Variants in CARS1 observed in about 807,000 individuals in gnomAD.
CARS1 encodes cysteinyl-tRNA synthetase 1.
CARS1 carries 48 observed loss-of-function variants against 106.2 expected under a neutral mutation model. The ratio of observed to expected loss-of-function variants is 0.45; its 90% confidence interval spans 0.36 to 0.57. The LOEUF is 0.57. Ranked by LOEUF, CARS1 falls within the 20% of genes least tolerant of loss-of-function variation. The probability of loss-of-function intolerance (pLI) is 0.00; values close to 1 mark genes in which losing one functional copy is unlikely to be tolerated. For missense variants in CARS1, 968 were observed against 1,057.2 expected (o/e 0.92, Z 1.17); for synonymous variants, 409 against 403.4 (o/e 1.01, Z -0.17).
chr11:3,050,826 G>A lies in CARS1; in HGVS notation c.26-2825C>T, dbSNP rs571600202. Among the ~76,000 whole-genome samples, 3 of 152,272 alleles carry A rather than the reference G, an allele frequency of 2.0e-5. No homozygotes were observed. The highest frequency in any genetic ancestry group is 4.1e-4 in the South Asian group (2 of 4,828). ...AGGACTCCCTGTCCATATGGCGCCC[G>A]CCTCTAGACCCTGAGCCTGGCTGCT... On this transcript the variant is annotated intron_variant, in intron 1 of 22. Coordinates refer to ENST00000380525, the MANE Select transcript of CARS1 (RefSeq NM_001014437.3). The surrounding 1 kb of genome is among the most constrained non-coding windows in gnomAD (Gnocchi z 6.3).
rs865828919 is a variant in CARS1 at position 3,050,896 on chromosome 11, T to C, written c.26-2895A>G. On this transcript the variant is annotated intron_variant, in intron 1 of 22. Coordinates refer to ENST00000380525, the MANE Select transcript of CARS1 (RefSeq NM_001014437.3). This position sits in a 1 kb window ranked among gnomAD's most constrained non-coding sequence, Gnocchi z 6.3. ...CTGTCTAACACGTGCCCGCATTTCTTTCCTTCACCATCTGCCCCACCGCTC... is the reference window on the plus strand; with the variant it reads ...CTGTCTAACACGTGCCCGCATTTCTCTCCTTCACCATCTGCCCCACCGCTC... Among the ~76,000 whole-genome samples the C allele has an allele frequency of 2.0e-5, 3 of 152,294 alleles. No individual in the cohort carries two copies. Among genetic ancestry groups the C allele is most frequent in the Middle Eastern group, 6.8e-3 (2 of 294 alleles).
In CARS1 at chr11:3,039,735, C is replaced by T; in HGVS notation, c.552+100G>A. Reference sequence around the variant, plus strand: ...AAATGATGTTTATCAGGTGAAAACACAAGCTAGCTCAAGCCTACATTATTT... The same window carrying T: ...AAATGATGTTTATCAGGTGAAAACATAAGCTAGCTCAAGCCTACATTATTT... On this transcript the variant is annotated intron_variant, in intron 5 of 22. Coordinates refer to ENST00000380525, the MANE Select transcript of CARS1 (RefSeq NM_001014437.3). The surrounding 1 kb of genome is among the most constrained non-coding windows in gnomAD (Gnocchi z 5.6). 1 of 607,868 alleles carries T rather than the reference C, an allele frequency of 1.6e-6. No individual in the cohort carries two copies. Among genetic ancestry groups the T allele is most frequent in the South Asian group, 2.2e-5 (1 of 45,924 alleles). 37.7% of individuals were successfully genotyped at this position (607,868 alleles called of 1,614,324 possible). A position where few individuals can be genotyped will look rare whatever the true frequency, so the allele number is the denominator to read the frequency against.
rs950092534 is a variant in CARS1 at position 3,022,836 on chromosome 11, G to C, written c.1154-2504C>G. On this transcript the variant is annotated intron_variant, in intron 10 of 22. Coordinates refer to ENST00000380525, the MANE Select transcript of CARS1 (RefSeq NM_001014437.3). The surrounding 1 kb of genome is among the most constrained non-coding windows in gnomAD (Gnocchi z 4.9). Reference sequence around the variant, plus strand: ...ATCATCTAGGACCACTTGGGCCCCAGCATCACCCCTCCCCTTTTCCTCTAC... The same window carrying C: ...ATCATCTAGGACCACTTGGGCCCCACCATCACCCCTCCCCTTTTCCTCTAC... Among the ~76,000 whole-genome samples the C allele has an allele frequency of 6.6e-6, 1 of 152,064 alleles. No individual in the cohort carries two copies. The highest frequency in any genetic ancestry group is 1.5e-5 in the Non-Finnish European group (1 of 67,994).
Position 3,020,068 on chromosome 11 carries a change from C to A in CARS1, c.1266+152G>T. On this transcript the variant is annotated intron_variant, in intron 11 of 22. Coordinates refer to ENST00000380525, the MANE Select transcript of CARS1 (RefSeq NM_001014437.3). This position sits in a 1 kb window ranked among gnomAD's most constrained non-coding sequence, Gnocchi z 4.6. ...GGAGTCTCCATGATGTCCAGGTCCC[C>A]GGGGCCAGGCAGCCTGTGCTGCACC... 1.6e-6 allele frequency: 1 copy of A among 627,806 alleles called. No individual in the cohort carries two copies. The highest frequency in any genetic ancestry group is 2.9e-6 in the Non-Finnish European group (1 of 349,916). The allele number at this position is 627,806 out of a possible 1,614,324, so 38.9% of individuals were successfully genotyped here.
intron 20 of CARS1, among the ~76,000 whole-genome samples, 164 bp from the exon 21 acceptor site, chr11:3,002,764 G>A (rs925365836): frequency 1.2e-4 from 18 of 152,056 alleles, no homozygotes; most frequent in African/African-American, 4.3e-4. Context: ...CATGTGCCGG[G>A]CAGCACACCG....
chr11:3,006,998 A>T (rs1416618608), intron 18 of CARS1, 39 bp from the exon 19 acceptor site: 1 of 1,543,324 alleles, frequency 6.5e-7, no homozygotes, highest in African/African-American at 1.4e-5. Context: ...GACATGGAGG[A>T]GCCAGGGCCC....
Position 3,049,855 on chromosome 11 carries a change from G to A in CARS1, c.26-1854C>T, listed in dbSNP as rs144879149. Among the ~76,000 whole-genome samples the A allele has an allele frequency of 1.9e-3, 293 of 152,354 alleles. 1 individual carries two copies. The highest frequency in any genetic ancestry group is 6.6e-3 in the African/African-American group (273 of 41,590). On this transcript the variant is annotated intron_variant, in intron 1 of 22. Transcript: ENST00000380525. Reference sequence around the variant, plus strand: ...CCCCAACCAAGCCCACACAGCTTCTGAAAACAGAGAGCAGAGTGTGTTGCG... The same window carrying A: ...CCCCAACCAAGCCCACACAGCTTCTAAAAACAGAGAGCAGAGTGTGTTGCG...
rs550008288 is a variant in CARS1, at chr11:3,017,591, C to T, written c.1727+266G>A. ...CCGGGAGGTGGAGGTTGTGGTGAGCCGAGATCACGCCACTGCACTCCAGCC... is the reference window on the plus strand; with the variant it reads ...CCGGGAGGTGGAGGTTGTGGTGAGCTGAGATCACGCCACTGCACTCCAGCC... On this transcript the variant is annotated intron_variant, in intron 15 of 22. Transcript: ENST00000380525. This position sits in a 1 kb window ranked among gnomAD's most constrained non-coding sequence, Gnocchi z 4.9. The T allele has an allele frequency of 4.7e-5, 26 of 554,672 alleles. No individual in the cohort carries two copies. The highest frequency in any genetic ancestry group is 3.6e-4 in the African/African-American group (19 of 53,178). 34.4% of individuals were successfully genotyped at this position (554,672 alleles called of 1,614,324 possible). A position where few individuals can be genotyped will look rare whatever the true frequency, so the allele number is the denominator to read the frequency against.
At position 3,017,136 on chromosome 11, in the gene CARS1, G is replaced by A. The variant is rs35416419; in HGVS notation, c.1887C>T (p.Asn629=). The change falls in exon 16 of 23, where the codon AAC becomes AAT. Residue 629 remains asparagine, a synonymous_variant. Transcript: ENST00000380525. The surrounding 1 kb of genome is among the most constrained non-coding windows in gnomAD (Gnocchi z 4.9). ...GCATATGGGTGAGGTACAGGGCGATGTTCTCCAGCAGAGCCTGGTTGGGCC... is the reference window on the plus strand; with the variant it reads ...GCATATGGGTGAGGTACAGGGCGATATTCTCCAGCAGAGCCTGGTTGGGCC... ...RKRPNQALLE[N]IALYLTHMLK... The A allele has an allele frequency of 2.3e-3, 3,755 of 1,614,106 alleles. 76 individuals carry two copies. In the African/African-American group the frequency reaches 0.043, roughly 18 times the overall value.
At chr11:3,006,791 T>C (rs926196788) in intron 19 of CARS1, 88 bp downstream of exon 19, 3 of 1,041,226 alleles carry the variant, frequency 2.9e-6, no homozygotes, top group Non-Finnish European at 4.5e-6. Flanking sequence ...TCATGAAGCA[T>C]GAGCCTCAGC....
chr11:3,001,678 TTG>T (rs1156974243), intron 22 of CARS1, among the ~76,000 whole-genome samples: 2 of 152,158 alleles, frequency 1.3e-5, no homozygotes, highest in African/African-American at 4.8e-5. Flanking sequence ...TTCAGCCAGC[TTG>T]TGAGGGCCTG....
At chr11:3,014,985 T>C (rs963991879) in intron 17 of CARS1, among the ~76,000 whole-genome samples, 4 of 152,270 alleles carry the variant, frequency 2.6e-5, no homozygotes, top group African/African-American at 9.6e-5. Flanking sequence ...ATCTGCATTC[T>C]AATCGAATAG....
rs138648822 is a variant in CARS1 at position 3,038,660 on chromosome 11, G to A, written c.652-461C>T. ...CATAAGCATATCCATAATGATTACT[G>A]TAATTACTAAGGATAATTAGTAGAG... On this transcript the variant is annotated intron_variant, in intron 6 of 22. Coordinates refer to ENST00000380525, the MANE Select transcript of CARS1 (RefSeq NM_001014437.3). This position sits in a 1 kb window ranked among gnomAD's most constrained non-coding sequence, Gnocchi z 4.0. Among the ~76,000 whole-genome samples, 5 of 152,256 alleles carry A rather than the reference G, an allele frequency of 3.3e-5. No homozygotes were observed. In the East Asian group the frequency reaches 7.7e-4, roughly 23 times the overall value.
chr11:3,029,475 G>A lies in CARS1; in HGVS notation c.802-32C>T, dbSNP rs1390067437. 3 of 1,609,080 alleles carry A rather than the reference G, an allele frequency of 1.9e-6. No individual in the cohort carries two copies. Among genetic ancestry groups the A allele is most frequent in the Non-Finnish European group, 2.5e-6 (3 of 1,178,790 alleles). On this transcript the variant is annotated intron_variant, in intron 7 of 22. Transcript: ENST00000380525. The surrounding 1 kb of genome is among the most constrained non-coding windows in gnomAD (Gnocchi z 5.9). ...AGAAAGAAACAAAAATCCAGCAGCG[G>A]GCCACACACTTCACATGAGAACATC...
At chr11:3,033,273 A>C (rs1853111823) in intron 7 of CARS1, among the ~76,000 whole-genome samples, 1 of 152,176 alleles carries the variant, frequency 6.6e-6, no homozygotes, top group African/African-American at 2.4e-5. Flanking sequence ...GATTAGACGG[A>C]ATCTTCTCAA....
chr11:3,006,730 A>C, intron 19 of CARS1, 149 bp downstream of exon 19: 2 of 722,830 alleles, frequency 2.8e-6, no homozygotes, highest in Non-Finnish European at 5.0e-6. Flanking sequence ...CAGCGTGGGA[A>C]TGGCGCCGGG....
chr11:3,019,455 C>T lies in CARS1; in HGVS notation c.1267-188G>A, dbSNP rs541561097. 1.3e-5 allele frequency among the ~76,000 whole-genome samples: 2 copies of T among 152,214 alleles called. No homozygotes were observed. Among genetic ancestry groups the T allele is most frequent in the Admixed American group, 6.5e-5 (1 of 15,284 alleles). Reference sequence around the variant, plus strand: ...TCACACCTGTAATCCCAGCACTTTGCGATGCCGAGGCAGACGGATCACCAG... The same window carrying T: ...TCACACCTGTAATCCCAGCACTTTGTGATGCCGAGGCAGACGGATCACCAG... On this transcript the variant is annotated intron_variant, in intron 11 of 22. Coordinates refer to ENST00000380525, the MANE Select transcript of CARS1 (RefSeq NM_001014437.3). This position sits in a 1 kb window ranked among gnomAD's most constrained non-coding sequence, Gnocchi z 6.2.
Position 3,018,454 on chromosome 11 carries a change from G to C in CARS1, c.1583C>G (p.Ser528Cys). 6.2e-7 allele frequency: 1 copy of C among 1,614,118 alleles called. No homozygotes were observed. The highest frequency in any genetic ancestry group is 8.5e-7 in the Non-Finnish European group (1 of 1,179,954). ...AAGCGCTGACTCCATGGTGTTGCTG[G>C]AGTAGTCCAGGGTGTCCTTCCACGA... ...MHSWKDTLDY[S>C]SNTMESALQY... The change falls in exon 14 of 23, where the codon TCC (serine) becomes TGC (cysteine). Residue 528 changes from serine (S) to cysteine (C), a missense_variant. Physicochemically the swap from Ser to Cys is moderately radical, Grantham distance 112. Transcript: ENST00000380525.
rs1401377367 is a variant in CARS1, at chr11:3,003,491, C to T, written c.2218-891G>A. The stretch of plus-strand genomic sequence containing the variant: ...GGCAGCTGGGCAAACTGTTTTTGGG[C>T]CACCGGCTACAAGATAGATGGTGGA... On this transcript the variant is annotated intron_variant, in intron 20 of 22. Coordinates refer to ENST00000380525, the MANE Select transcript of CARS1 (RefSeq NM_001014437.3). The surrounding 1 kb of genome is among the most constrained non-coding windows in gnomAD (Gnocchi z 4.8). 1.3e-5 allele frequency among the ~76,000 whole-genome samples: 2 copies of T among 152,120 alleles called. No individual in the cohort carries two copies. Among genetic ancestry groups the T allele is most frequent in the East Asian group, 3.9e-4 (2 of 5,188 alleles).
Sources: gnomAD v4.1 joint callset for allele counts (sites outside exome capture counted in the v4.1 genomes callset) on GRCh38, gnomAD v4.1.1 for gene constraint, Gnocchi (gnomAD v3.1) non-coding constraint, MANE v1.5 for transcripts, NCBI Gene and HGNC (gene_info 2026-07-23, HGNC 2026-07-21) for gene names.